Variants in KRAS observed in about 807,000 individuals in gnomAD.
KRAS encodes the protein GTPase KRas.
In KRAS, 1 loss-of-function variant was observed where a neutral mutation model predicts 21.0. The ratio of observed to expected loss-of-function variants is 0.05; its 90% confidence interval spans 0.02 to 0.23. The LOEUF (loss-of-function observed/expected upper bound fraction) is 0.23, where lower values mean the gene tolerates loss of function less well. Ranked by LOEUF, KRAS falls within the 10% of genes least tolerant of loss-of-function variation. The probability of loss-of-function intolerance (pLI) is 1.00; values close to 1 mark genes in which losing one functional copy is unlikely to be tolerated. For missense variants in KRAS, 107 were observed against 221.8 expected (o/e 0.48, Z 3.29); for synonymous variants, 67 against 72.5 (o/e 0.92, Z 0.39).
Position 25,209,576 on chromosome 12 carries a change from A to G in KRAS, c.*219T>C, listed in dbSNP as rs1477880308. 5.2e-6 allele frequency: 7 copies of G among 1,344,872 alleles called. No homozygotes were observed. Among genetic ancestry groups the G allele is most frequent in the Non-Finnish European group, 5.7e-6 (6 of 1,051,928 alleles). 83.3% of individuals were successfully genotyped at this position (1,344,872 alleles called of 1,614,324 possible). On this transcript the variant is annotated 3_prime_UTR_variant, in exon 5 of 5. Transcript: ENST00000311936. ...GGTATTCAGTTTCTTTTTCACAGGC[A>G]TTGCTAGTTCAAAAACCAAAACTCT...
intron 2 of KRAS, among the ~76,000 whole-genome samples, chr12:25,229,939 T>C (rs1951444278): frequency 6.6e-6 from 1 of 152,112 alleles, no homozygotes; most frequent in East Asian, 2.0e-4. Flanking sequence ...CGGCTAATTT[T>C]TGTACTGTTT....
At chr12:25,220,882 A>AG (rs1344615010) in intron 4 of KRAS, among the ~76,000 whole-genome samples, 44 of 150,896 alleles carry the variant, frequency 2.9e-4, no homozygotes, top group Non-Finnish European at 7.4e-5. Context: ...AAAATCAGTC[A>AG]GGTGTGGTGG....
At chr12:25,247,866 G>T (rs1951704678) in intron 1 of KRAS, among the ~76,000 whole-genome samples, 1 of 151,932 alleles carries the variant, frequency 6.6e-6, no homozygotes, top group Admixed American at 6.6e-5. Flanking sequence ...CTAAGTTTTG[G>T]TTTTGTTTTG....
chr12:25,209,532 C>A lies in KRAS; in HGVS notation c.*263G>T. The A allele has an allele frequency of 1.5e-6, 2 of 1,323,426 alleles. No homozygotes were observed. Among genetic ancestry groups the A allele is most frequent in the Non-Finnish European group, 1.9e-6 (2 of 1,040,664 alleles). 82.0% of individuals were successfully genotyped at this position (1,323,426 alleles called of 1,614,324 possible). On this transcript the variant is annotated 3_prime_UTR_variant, in exon 5 of 5. Transcript: ENST00000311936. ...AGTAATCAACTGCATGCACCAAAAGCCCCAAGACAGAAATCTTAGGTATTC... is the reference window on the plus strand; with the variant it reads ...AGTAATCAACTGCATGCACCAAAAGACCCAAGACAGAAATCTTAGGTATTC...
In KRAS at chr12:25,248,663, C is replaced by G. The variant is rs549607235; in HGVS notation, c.-12+2088G>C. ...TAAAACCAAATCACATTTAAATCCA[C>G]TAGAGAGAACTGGGTTCCAAAGGAG... On this transcript the variant is annotated intron_variant, in intron 1 of 4. Transcript: ENST00000311936. Among the ~76,000 whole-genome samples, 127 of 151,504 alleles carry G rather than the reference C, an allele frequency of 8.4e-4. 1 individual carries two copies. The highest frequency in any genetic ancestry group is 3.0e-3 in the African/African-American group (122 of 41,268).
chr12:25,243,339 C>T (rs1380703294), intron 2 of KRAS, among the ~76,000 whole-genome samples: 2 of 152,184 alleles, frequency 1.3e-5, no homozygotes, highest in South Asian at 2.1e-4. Context: ...GACTAAACTA[C>T]GTCAGGGACC....
intron 2 of KRAS, among the ~76,000 whole-genome samples, chr12:25,237,098 A>G (rs572164621): frequency 6.6e-6 from 1 of 152,240 alleles, no homozygotes; most frequent in Non-Finnish European, 1.5e-5. Flanking sequence ...GCAAAAACAT[A>G]GACGAACTCT....
chr12:25,249,262 C>T (rs1225304165), intron 1 of KRAS, among the ~76,000 whole-genome samples: 1 of 152,014 alleles, frequency 6.6e-6, no homozygotes, highest in Admixed American at 6.5e-5. Flanking sequence ...CCGGGCATGG[C>T]AGCAGACACC....
rs114431289 is a variant in KRAS at position 25,223,140 on chromosome 12, T to A, written c.450+2474A>T. ...CCCTTAAAACATTATGCAAAGTCTC[T>A]TAAATTTTTTCTTTTCTTTGTGAAA... On this transcript the variant is annotated intron_variant, in intron 4 of 4. Coordinates refer to ENST00000311936, the MANE Select transcript of KRAS (RefSeq NM_004985.5). 3.1e-3 allele frequency among the ~76,000 whole-genome samples: 468 copies of A among 152,256 alleles called. 8 individuals are homozygous for A. Among genetic ancestry groups the A allele is most frequent in the African/African-American group, 0.011 (447 of 41,524 alleles).
intron 4 of KRAS, among the ~76,000 whole-genome samples, chr12:25,219,317 AAAG>A: frequency 7.2e-6 from 1 of 139,070 alleles, no homozygotes; most frequent in South Asian, 2.7e-4. Context: ...CGTAGGAACA[AAAG>A]TATACAACTT....
chr12:25,246,237 C>A (rs964369242), intron 1 of KRAS, among the ~76,000 whole-genome samples: 7 of 151,504 alleles, frequency 4.6e-5, no homozygotes, highest in African/African-American at 1.7e-4. Context: ...AATACATAAT[C>A]CTGTATCACC....
In KRAS at chr12:25,209,310, A is replaced by G; in HGVS notation, c.*485T>C. 1.6e-6 allele frequency: 1 copy of G among 620,888 alleles called. No individual in the cohort carries two copies. Among genetic ancestry groups the G allele is most frequent in the Non-Finnish European group, 2.8e-6 (1 of 351,876 alleles). The allele number at this position is 620,888 out of a possible 1,614,324, so 38.5% of individuals were successfully genotyped here. On this transcript the variant is annotated 3_prime_UTR_variant, in exon 5 of 5. Coordinates refer to ENST00000311936, the MANE Select transcript of KRAS (RefSeq NM_004985.5). ...CAGGGATGACAAACTATAGGACATG[A>G]TGCCTAGAAGAATCATCATCAGGAA... is the stretch of plus-strand genomic sequence containing the variant.
At chr12:25,234,301 A>C (rs1255485478) in intron 2 of KRAS, 1 of 178,772 alleles carries the variant, frequency 5.6e-6, no homozygotes, top group Non-Finnish European at 1.2e-5. Flanking sequence ...AGGAGTCTTC[A>C]ACAATATTAA....
chr12:25,243,901 A>G (rs561273135), intron 2 of KRAS, among the ~76,000 whole-genome samples: 19 of 152,380 alleles, frequency 1.2e-4, no homozygotes, highest in African/African-American at 4.3e-4. Context: ...GTCTACTTCA[A>G]TTAGACTGTT....
Position 25,209,069 on chromosome 12 carries a change from CTG to C in KRAS, c.*724_*725del, listed in dbSNP as rs1409771866. The C allele has an allele frequency of 1.4e-5, 6 of 414,044 alleles. No homozygotes were observed. Among genetic ancestry groups the C allele is most frequent in the Non-Finnish European group, 2.5e-5 (6 of 235,408 alleles). 25.6% of individuals were successfully genotyped at this position (414,044 alleles called of 1,614,324 possible). On this transcript the variant is annotated 3_prime_UTR_variant, in exon 5 of 5. Transcript: ENST00000311936. ...TTGCTATAATAATCCCCATTTCATA[CTG>C]GGTCTGCCTTAACAGGAAAAGCTAT... is the stretch of plus-strand genomic sequence containing the variant.
intron 2 of KRAS, among the ~76,000 whole-genome samples, chr12:25,245,017 T>TC (rs1461687049): frequency 5.3e-5 from 8 of 152,144 alleles, no homozygotes; most frequent in African/African-American, 1.7e-4. Flanking sequence ...ATTTCTACCC[T>TC]CTCACGAAAC....
intron 4 of KRAS, among the ~76,000 whole-genome samples, chr12:25,211,914 T>G (rs1331161933): frequency 6.6e-6 from 1 of 152,192 alleles, no homozygotes; most frequent in African/African-American, 2.4e-5. Context: ...CACAAACATA[T>G]GCTTTTGTTT....
At chr12:25,225,230 T>C (rs1269317297) in intron 4 of KRAS, 1 of 149,324 alleles carries the variant, frequency 6.7e-6, no homozygotes, top group African/African-American at 2.5e-5. Flanking sequence ...AAACATGACA[T>C]AATGGTTTAA....
chr12:25,205,277 A>T lies in KRAS; in HGVS notation c.*4518T>A, dbSNP rs1951122852. ...GTAACTATTTTTATTACATTACAAT[A>T]ATTAGGAGTAGTACAGTTCATGACA... On this transcript the variant is annotated 3_prime_UTR_variant, in exon 5 of 5. Coordinates refer to ENST00000311936, the MANE Select transcript of KRAS (RefSeq NM_004985.5). 4.7e-6 allele frequency: 1 copy of T among 214,896 alleles called. No individual in the cohort carries two copies. Among genetic ancestry groups the T allele is most frequent in the Non-Finnish European group, 9.4e-6 (1 of 106,352 alleles). The allele number at this position is 214,896 out of a possible 1,614,324, so 13.3% of individuals were successfully genotyped here. A position where few individuals can be genotyped will look rare whatever the true frequency, so the allele number is the denominator to read the frequency against.
Sources: gnomAD v4.1 joint callset for allele counts (sites outside exome capture counted in the v4.1 genomes callset) on GRCh38, gnomAD v4.1.1 for gene constraint, MANE v1.5 for transcripts, NCBI Gene and HGNC (gene_info 2026-07-23, HGNC 2026-07-21) for gene names.